The following TSHZ2 variants were observed in gnomAD, a reference collection of about 807,000 sequenced individuals.
TSHZ2 encodes the protein teashirt zinc finger homeobox 2, also known as teashirt homolog 2.
In TSHZ2, 21 loss-of-function variants were observed where a neutral mutation model predicts 74.4. The observed-to-expected ratio is 0.28, with a 90% CI of 0.20 to 0.41. The LOEUF is 0.41. Ranked by LOEUF, TSHZ2 falls within the 10% of genes least tolerant of loss-of-function variation. The probability of loss-of-function intolerance (pLI) is 1.00; values close to 1 mark genes in which losing one functional copy is unlikely to be tolerated. For missense variants in TSHZ2, 1,244 were observed against 1,293.5 expected (o/e 0.96, Z 0.59); for synonymous variants, 540 against 515.3 (o/e 1.05, Z -0.65).
intron 1 of TSHZ2, among the ~76,000 whole-genome samples, chr20:53,013,730 C>T (rs529712442): frequency 4.6e-5 from 7 of 151,698 alleles, no homozygotes; most frequent in South Asian, 2.1e-4. Flanking sequence ...TAGTAAGTGG[C>T]GCTAAGCAAA....
At chr20:53,242,289 C>G (rs1357457867) in intron 1 of TSHZ2, among the ~76,000 whole-genome samples, 1 of 152,074 alleles carries the variant, frequency 6.6e-6, no homozygotes, top group East Asian at 1.9e-4. Context: ...CAAACGTTGT[C>G]CCATGTCCCC....
chr20:53,402,652 A>C (rs1282527100), intron 2 of TSHZ2, among the ~76,000 whole-genome samples: 1 of 152,194 alleles, frequency 6.6e-6, no homozygotes, highest in Non-Finnish European at 1.5e-5. Flanking sequence ...GGGGTAACCA[A>C]AGAGATCAGC....
At chr20:53,458,983 G>C (rs1985233414) in intron 2 of TSHZ2, among the ~76,000 whole-genome samples, 1 of 152,082 alleles carries the variant, frequency 6.6e-6, no homozygotes, top group South Asian at 2.1e-4. Context: ...TTACTTCCAA[G>C]TATGTGGTCA....
intron 1 of TSHZ2, among the ~76,000 whole-genome samples, chr20:53,009,008 TC>T (rs2122991102): frequency 7.0e-6 from 1 of 142,900 alleles, no homozygotes; most frequent in Admixed American, 6.8e-5. Context: ...TCTCTCTCTC[TC>T]TCTCTCTCTC....
chr20:53,277,912 C>T (rs1464102469), intron 2 of TSHZ2, among the ~76,000 whole-genome samples: 2 of 152,158 alleles, frequency 1.3e-5, no homozygotes, highest in Non-Finnish European at 2.9e-5. Context: ...GGAAGAATGA[C>T]CTCAAATCCA....
At chr20:52,976,656 C>T (rs6068413) in intron 1 of TSHZ2, among the ~76,000 whole-genome samples, 1 of 152,202 alleles carries the variant, frequency 6.6e-6, no homozygotes, top group African/African-American at 2.4e-5. Context: ...TTTCTACAGC[C>T]TATCTCAGCC....
At chr20:53,068,888 A>G (rs1985080665) in intron 1 of TSHZ2, among the ~76,000 whole-genome samples, 1 of 151,606 alleles carries the variant, frequency 6.6e-6, no homozygotes, top group African/African-American at 2.4e-5. Context: ...TTTTTTCCAT[A>G]AAGAACTGAG....
intron 2 of TSHZ2, among the ~76,000 whole-genome samples, chr20:53,446,261 G>A (rs1003502278): frequency 7.2e-5 from 11 of 152,102 alleles, no homozygotes; most frequent in African/African-American, 2.7e-4. Context: ...GAAACAGGAA[G>A]TGAATAGAAG....
At chr20:53,293,532 G>A (rs1032106724) in intron 2 of TSHZ2, among the ~76,000 whole-genome samples, 3 of 151,952 alleles carry the variant, frequency 2.0e-5, no homozygotes, top group African/African-American at 7.3e-5. Context: ...CACTCTTCAG[G>A]CAACAGAAGG....
At chr20:53,296,635 G>A (rs1991385861) in intron 2 of TSHZ2, among the ~76,000 whole-genome samples, 1 of 152,090 alleles carries the variant, frequency 6.6e-6, no homozygotes, top group East Asian at 1.9e-4. Flanking sequence ...AGTTTGTTCT[G>A]TTCTTCCTTG....
At chr20:53,317,665 A>G (rs1979079102) in intron 2 of TSHZ2, among the ~76,000 whole-genome samples, 2 of 152,354 alleles carry the variant, frequency 1.3e-5, no homozygotes, top group Non-Finnish European at 2.9e-5. Context: ...TGCAGCATGC[A>G]TGGATTTTAC....
At chr20:53,034,047 T>A (rs781138282) in intron 1 of TSHZ2, among the ~76,000 whole-genome samples, 4 of 152,170 alleles carry the variant, frequency 2.6e-5, no homozygotes, top group Non-Finnish European at 4.4e-5. Context: ...TAGGACATAT[T>A]ATATTCTCGA....
At chr20:53,379,331 G>A (rs1265084945) in intron 2 of TSHZ2, among the ~76,000 whole-genome samples, 7 of 152,186 alleles carry the variant, frequency 4.6e-5, no homozygotes, top group Non-Finnish European at 8.8e-5. Flanking sequence ...GAAATGAGCC[G>A]TGATTGTGCC....
chr20:53,419,226 C>G (rs1356398179), intron 2 of TSHZ2, among the ~76,000 whole-genome samples: 2 of 152,188 alleles, frequency 1.3e-5, no homozygotes, highest in Admixed American at 6.5e-5. Context: ...TCACTCAGAC[C>G]CTTCTCACTC....
chr20:53,281,147 C>A (rs77434690), intron 2 of TSHZ2, among the ~76,000 whole-genome samples: 1 of 152,250 alleles, frequency 6.6e-6, no homozygotes, highest in East Asian at 1.9e-4. Flanking sequence ...AATTTCAGTG[C>A]TGTTAGTTGT....
At position 53,121,204 on chromosome 20, in the gene TSHZ2, A is replaced by G. The variant is rs972592675; in HGVS notation, c.41-132295A>G. ...GCTCCATATGTGTGTCTGTGTGTGT[A>G]TGTATAACATGTGAAAGTATTTATG... On this transcript the variant is annotated intron_variant, in intron 1 of 2. Transcript: ENST00000371497. Among the ~76,000 whole-genome samples the G allele has an allele frequency of 3.3e-5, 5 of 152,308 alleles. No homozygotes were observed. The East Asian group carries it at 7.7e-4, about 23-fold the overall frequency.
At chr20:53,335,544 A>C (rs1034000601) in intron 2 of TSHZ2, among the ~76,000 whole-genome samples, 2 of 152,256 alleles carry the variant, frequency 1.3e-5, no homozygotes, top group Non-Finnish European at 2.9e-5. Flanking sequence ...GGAATCCCAC[A>C]AACTTCTGTT....
chr20:53,461,080 T>G (rs1224273508), intron 2 of TSHZ2, among the ~76,000 whole-genome samples: 2 of 152,192 alleles, frequency 1.3e-5, no homozygotes, highest in African/African-American at 4.8e-5. Context: ...CAGTTCGAGC[T>G]TCCCGGCTGC....
rs181276255 is a variant in TSHZ2, at chr20:53,173,532, C to T, written c.41-79967C>T. On this transcript the variant is annotated intron_variant, in intron 1 of 2. Coordinates refer to ENST00000371497, the MANE Select transcript of TSHZ2 (RefSeq NM_173485.6). ...CTGAGGCAGGAGAATCGCTTGAGCCCGGGGGGCAGAGGTTGCAGTGAGCCG... is the reference window on the plus strand; with the variant it reads ...CTGAGGCAGGAGAATCGCTTGAGCCTGGGGGGCAGAGGTTGCAGTGAGCCG... 1.9e-4 allele frequency among the ~76,000 whole-genome samples: 29 copies of T among 152,184 alleles called. No homozygotes were observed. The East Asian group carries it at 2.5e-3, about 13-fold the overall frequency.
Sources: gnomAD v4.1 joint callset for allele counts (sites outside exome capture counted in the v4.1 genomes callset) on GRCh38, gnomAD v4.1.1 for gene constraint, MANE v1.5 for transcripts, NCBI Gene and HGNC (gene_info 2026-07-23, HGNC 2026-07-21) for gene names.